ITFG1: variants seen among roughly 807,000 people sequenced by gnomAD.
ITFG1 encodes the protein T-cell immunomodulatory protein.
Under a neutral mutation model 81.8 loss-of-function variants are expected in ITFG1, and 34 were observed. The ratio of observed to expected loss-of-function variants is 0.42; its 90% CI spans 0.32 to 0.55. ITFG1 has a LOEUF of 0.55. Ranked by LOEUF, ITFG1 falls within the 20% of genes least tolerant of loss-of-function variation. The pLI, the probability that ITFG1 is intolerant of heterozygous loss-of-function variation, is 0.17. For missense variants in ITFG1, 672 were observed against 755.4 expected (o/e 0.89, Z 1.29); for synonymous variants, 285 against 270.6 (o/e 1.05, Z -0.52).
In ITFG1 at chr16:47,174,616, G is replaced by A. The variant is rs140892473; in HGVS notation, c.1454-11952C>T. ...GCTCAGTGCAGCCTCCGCCTCCCAC[G>A]TTCAAGCAATTCTCCTGCCTCAGCC... On this transcript the variant is annotated intron_variant, in intron 14 of 17. Coordinates refer to ENST00000320640, the MANE Select transcript of ITFG1 (RefSeq NM_030790.5). Among the ~76,000 whole-genome samples the A allele has an allele frequency of 2.3e-4, 35 of 152,226 alleles. No individual in the cohort carries two copies. The East Asian group carries it at 6.8e-3, about 29-fold the overall frequency.
intron 13 of ITFG1, among the ~76,000 whole-genome samples, chr16:47,235,028 A>G (rs1273511516): frequency 2.0e-5 from 3 of 152,174 alleles, no homozygotes; most frequent in Non-Finnish European, 4.4e-5. Context: ...GCCATGCAGA[A>G]CTGTGAGCCA....
At chr16:47,401,940 G>A (rs1311017663) in intron 6 of ITFG1, among the ~76,000 whole-genome samples, 2 of 151,716 alleles carry the variant, frequency 1.3e-5, no homozygotes, top group Non-Finnish European at 2.9e-5. Context: ...GATCCTCCTT[G>A]GTATTCTTTC....
chr16:47,429,975 G>C (rs1026742004), intron 5 of ITFG1, among the ~76,000 whole-genome samples: 1 of 151,388 alleles, frequency 6.6e-6, no homozygotes, highest in Non-Finnish European at 1.5e-5. Context: ...TGCGTTTTAA[G>C]AGTTCTTTAT....
intron 6 of ITFG1, among the ~76,000 whole-genome samples, chr16:47,421,443 T>C (rs961718151): frequency 6.6e-6 from 1 of 152,034 alleles, no homozygotes; most frequent in Non-Finnish European, 1.5e-5. Flanking sequence ...TAGCTGGGAC[T>C]ACAGGCGCGT....
chr16:47,375,477 T>A (rs1170700198), intron 7 of ITFG1, among the ~76,000 whole-genome samples: 2 of 152,140 alleles, frequency 1.3e-5, no homozygotes, highest in African/African-American at 2.4e-5. Context: ...GTTTGGTGTT[T>A]GTTGTCTTAT....
intron 8 of ITFG1, among the ~76,000 whole-genome samples, chr16:47,320,923 T>G (rs1040561026): frequency 1.3e-5 from 2 of 152,186 alleles, no homozygotes; most frequent in Non-Finnish European, 2.9e-5. Context: ...AAAATGAAAC[T>G]AACAATTTAG....
intron 8 of ITFG1, among the ~76,000 whole-genome samples, chr16:47,333,404 A>G (rs1266183555): frequency 1.3e-5 from 2 of 152,206 alleles, no homozygotes; most frequent in Admixed American, 6.5e-5. Flanking sequence ...AGGTTCATCC[A>G]GAATTAGAGA....
At chr16:47,236,581 C>T (rs1208616871) in intron 13 of ITFG1, among the ~76,000 whole-genome samples, 5 of 149,414 alleles carry the variant, frequency 3.3e-5, no homozygotes, top group Non-Finnish European at 5.9e-5. Flanking sequence ...TCAAATATAA[C>T]TTTTTAAAGT....
At chr16:47,217,536 A>G (rs755657120) in intron 14 of ITFG1, among the ~76,000 whole-genome samples, 12 of 152,252 alleles carry the variant, frequency 7.9e-5, no homozygotes, top group Admixed American at 5.9e-4. Flanking sequence ...TAAAGGTTTA[A>G]TATGTACATG....
chr16:47,280,039 C>A (rs1007995387), intron 10 of ITFG1, among the ~76,000 whole-genome samples: 3 of 152,010 alleles, frequency 2.0e-5, no homozygotes, highest in Non-Finnish European at 4.4e-5. Context: ...ATTTTCTACA[C>A]CAACAATCAT....
chr16:47,402,644 T>C (rs1385432365), intron 6 of ITFG1, among the ~76,000 whole-genome samples: 1 of 152,230 alleles, frequency 6.6e-6, no homozygotes, highest in African/African-American at 2.4e-5. Context: ...AAATGCCCAG[T>C]TGACTAAAAT....
At chr16:47,216,983 T>C (rs1273893091) in intron 14 of ITFG1, among the ~76,000 whole-genome samples, 4 of 152,160 alleles carry the variant, frequency 2.6e-5, no homozygotes, top group Admixed American at 6.5e-5. Flanking sequence ...TAAAAATATA[T>C]GCAAATAGAT....
chr16:47,393,743 A>G (rs1263618189), intron 6 of ITFG1, among the ~76,000 whole-genome samples: 1 of 151,912 alleles, frequency 6.6e-6, no homozygotes, highest in African/African-American at 2.4e-5. Context: ...AAAAAAAAAG[A>G]AATTTTTTTT....
chr16:47,430,310 C>T (rs973403081), intron 5 of ITFG1, among the ~76,000 whole-genome samples: 2 of 151,950 alleles, frequency 1.3e-5, no homozygotes, highest in Non-Finnish European at 2.9e-5. Flanking sequence ...AGGCAGTTCA[C>T]CCGCCTCGGC....
At chr16:47,179,774 A>G (rs1375666720) in intron 14 of ITFG1, among the ~76,000 whole-genome samples, 1 of 152,206 alleles carries the variant, frequency 6.6e-6, no homozygotes, top group East Asian at 1.9e-4. Context: ...AATTACCCTA[A>G]GTGAATAGTA....
chr16:47,424,452 T>C (rs1048476778), intron 6 of ITFG1, among the ~76,000 whole-genome samples: 2 of 152,228 alleles, frequency 1.3e-5, no homozygotes, highest in African/African-American at 2.4e-5. Flanking sequence ...AAACTCATTC[T>C]TCGTCCAATT....
intron 14 of ITFG1, among the ~76,000 whole-genome samples, chr16:47,201,510 A>C (rs1468088582): frequency 6.6e-6 from 1 of 152,128 alleles, no homozygotes; most frequent in Non-Finnish European, 1.5e-5. Context: ...CCCGGCTAGG[A>C]GAAAATTTTT....
chr16:47,233,916 C>T (rs527602731), intron 13 of ITFG1, among the ~76,000 whole-genome samples: 11 of 152,230 alleles, frequency 7.2e-5, no homozygotes, highest in African/African-American at 1.9e-4. Context: ...GTAGCGAAAC[C>T]GACACACCAG....
At chr16:47,300,088 C>T (rs1478884970) in intron 10 of ITFG1, 1 of 152,202 alleles carries the variant, frequency 6.6e-6, no homozygotes, top group African/African-American at 2.4e-5. Context: ...GGACATAGTA[C>T]TCTCCTATGG....
Sources: allele counts gnomAD v4.1 joint callset (sites outside exome capture counted in the v4.1 genomes callset), GRCh38; gene constraint gnomAD v4.1.1; transcripts MANE v1.5; gene names NCBI Gene and HGNC (gene_info 2026-07-23, HGNC 2026-07-21).